Variants in CEACAM3 observed in about 807,000 individuals in gnomAD.
CEACAM3 encodes CEA cell adhesion molecule 3.
A neutral mutation model predicts 30.1 loss-of-function variants in CEACAM3; 32 were observed. The ratio of observed to expected loss-of-function variants is 1.06; its 90% confidence interval spans 0.80 to 1.43. The LOEUF (loss-of-function observed/expected upper bound fraction) is 1.43, where lower values mean the gene tolerates loss of function less well. CEACAM3 is among the 40% of genes most tolerant of loss of function. The probability of loss-of-function intolerance (pLI) is 0.00; values close to 1 mark genes in which losing one functional copy is unlikely to be tolerated. For missense variants in CEACAM3, 290 were observed against 316.3 expected (o/e 0.92, Z 0.63); for synonymous variants, 134 against 127.2 (o/e 1.05, Z -0.36).
At position 41,809,949 on chromosome 19, in the gene CEACAM3, C is replaced by A. The variant is rs782265261; in HGVS notation, c.543-16C>A. On this transcript the variant is annotated splice_polypyrimidine_tract_variant and intron_variant, in intron 3 of 6. Transcript: ENST00000357396. Reference sequence around the variant, plus strand: ...TTTAACCTGGCACCCTCCCAAATGACCCTGACCTTTCCTAGAACCAGCATC... The same window carrying A: ...TTTAACCTGGCACCCTCCCAAATGAACCTGACCTTTCCTAGAACCAGCATC... The A allele has an allele frequency of 3.1e-6, 5 of 1,613,800 alleles. No homozygotes were observed. Among genetic ancestry groups the A allele is most frequent in the Non-Finnish European group, 3.4e-6 (4 of 1,179,786 alleles).
At position 41,811,066 on chromosome 19, in the gene CEACAM3, C is replaced by G; in HGVS notation, c.694-106C>G. The G allele has an allele frequency of 3.0e-6, 4 of 1,346,376 alleles. No homozygotes were observed. The South Asian group carries it at 3.6e-5, about 12-fold the overall frequency. 83.4% of individuals were successfully genotyped at this position (1,346,376 alleles called of 1,614,324 possible). A position where few individuals can be genotyped will look rare whatever the true frequency, so the allele number is the denominator to read the frequency against. On this transcript the variant is annotated intron_variant, in intron 6 of 6. Coordinates refer to ENST00000357396, the MANE Select transcript of CEACAM3 (RefSeq NM_001815.5). ...GGGAGCAGGAACCCCCTGAGCACAG[C>G]CAGGTTCAGCCCCAGAGCAGCCCTG...
chr19:41,807,151 C>T, intron 2 of CEACAM3: 3 of 1,557,078 alleles, frequency 1.9e-6, no homozygotes, highest in East Asian at 2.3e-5. Flanking sequence ...ACAACTCCAA[C>T]CCCAAGGAGG....
rs1555827617 is a variant in CEACAM3, at chr19:41,811,237, G to C, written c.759G>C (p.Ter253TyrextTer10). ...ACCACAAAGCAGAAGTGGCTTCTTA[G>C]CTTCCTCCAGGAGCTGCTCCTGTGT... ...RMDHKAEVAS[*>Y] Residue 253 changes from the stop codon to tyrosine, a stop_lost, in exon 7 of 7, where the codon TAG becomes TAC. Coordinates refer to ENST00000357396, the MANE Select transcript of CEACAM3 (RefSeq NM_001815.5). 1 of 1,613,704 alleles carries C rather than the reference G, an allele frequency of 6.2e-7. No individual in the cohort carries two copies. Among genetic ancestry groups the C allele is most frequent in the South Asian group, 1.1e-5 (1 of 91,066 alleles).
intron 2 of CEACAM3, 139 bp downstream of exon 2, chr19:41,798,087 A>G (rs2073118380): frequency 1.1e-5 from 16 of 1,397,168 alleles, no homozygotes; most frequent in Non-Finnish European, 1.5e-5. Flanking sequence ...TGCAGGACAC[A>G]CACGGGGGAG....
intron 2 of CEACAM3, among the ~76,000 whole-genome samples, chr19:41,799,795 T>C (rs1380087979): frequency 6.6e-6 from 1 of 152,092 alleles, no homozygotes; most frequent in Non-Finnish European, 1.5e-5. Context: ...TCTTAAACTC[T>C]TCAGAGACCG....
chr19:41,810,241 A>T, intron 4 of CEACAM3, 82 bp from the exon 5 acceptor site: 2 of 1,523,378 alleles, frequency 1.3e-6, no homozygotes, highest in Non-Finnish European at 9.0e-7. Flanking sequence ...GGTATCTTAG[A>T]GCTGAGGACC....
At chr19:41,809,715 G>T (rs1159858400) in intron 3 of CEACAM3, 2 of 434,620 alleles carry the variant, frequency 4.6e-6, no homozygotes, top group African/African-American at 2.0e-5. Context: ...CCTTTCCTGG[G>T]TCCCTGGGTC....
Position 41,811,309 on chromosome 19 carries a change from A to G in CEACAM3, c.*72A>G. Reference sequence around the variant, plus strand: ...CCCCCAGCCCTGGGGATGGGGAAGGACATGAAGCCTGAGCCAGAGAACCAG... The same window carrying G: ...CCCCCAGCCCTGGGGATGGGGAAGGGCATGAAGCCTGAGCCAGAGAACCAG... On this transcript the variant is annotated 3_prime_UTR_variant, in exon 7 of 7. Coordinates refer to ENST00000357396, the MANE Select transcript of CEACAM3 (RefSeq NM_001815.5). 7.6e-7 allele frequency: 1 copy of G among 1,319,120 alleles called. No individual in the cohort carries two copies. The highest frequency in any genetic ancestry group is 1.1e-6 in the Non-Finnish European group (1 of 916,178). 81.7% of individuals were successfully genotyped at this position (1,319,120 alleles called of 1,614,324 possible).
chr19:41,808,661 A>G lies in CEACAM3; in HGVS notation c.425-152A>G. The G allele has an allele frequency of 7.8e-6, 5 of 637,520 alleles. No homozygotes were observed. In the South Asian group the frequency reaches 1.0e-4, roughly 13 times the overall value. The allele number at this position is 637,520 out of a possible 1,614,324, so 39.5% of individuals were successfully genotyped here. A position where few individuals can be genotyped will look rare whatever the true frequency, so the allele number is the denominator to read the frequency against. ...GAAAATGGTGCCACCATGGAAAGCA[A>G]GGGAATCTGTGATGAGGACAACACA... On this transcript the variant is annotated intron_variant, in intron 2 of 6. Coordinates refer to ENST00000357396, the MANE Select transcript of CEACAM3 (RefSeq NM_001815.5).
At chr19:41,810,594 G>A (rs1159684066) in intron 5 of CEACAM3, among the ~76,000 whole-genome samples, 1 of 152,084 alleles carries the variant, frequency 6.6e-6, no homozygotes, top group African/African-American at 2.4e-5. Flanking sequence ...AGTGCAGCAG[G>A]TGCAGAGTGG....
chr19:41,805,013 C>T (rs1035052970), intron 2 of CEACAM3, among the ~76,000 whole-genome samples: 1 of 152,062 alleles, frequency 6.6e-6, no homozygotes. Flanking sequence ...AGGAAATGCT[C>T]ACTGGAGCAT....
intron 2 of CEACAM3, among the ~76,000 whole-genome samples, chr19:41,800,534 C>T (rs1182535398): frequency 6.6e-6 from 1 of 152,198 alleles, no homozygotes; most frequent in Admixed American, 6.5e-5. Flanking sequence ...CCCTATGATG[C>T]TGTGCTTCAG....
At chr19:41,810,125 G>A (rs927314356) in intron 4 of CEACAM3, 108 bp downstream of exon 4, 27 of 1,338,176 alleles carry the variant, frequency 2.0e-5, no homozygotes, top group African/African-American at 7.3e-5. Context: ...CCCGGGGGCT[G>A]CAAGGAGGAT....
At chr19:41,797,347 GC>G in intron 1 of CEACAM3, 1 of 525,926 alleles carries the variant, frequency 1.9e-6, no homozygotes, top group South Asian at 2.5e-5. Context: ...CCTGATGTGA[GC>G]AGGATCTGAG....
Position 41,809,976 on chromosome 19 carries a change from A to C in CEACAM3, c.554A>C (p.Gln185Pro). ...CTGACCTTTCCTAGAACCAGCATCCAGCGTGACCTCAAGGAGCAGCAGCCC... is the reference window on the plus strand; with the variant it reads ...CTGACCTTTCCTAGAACCAGCATCCCGCGTGACCTCAAGGAGCAGCAGCCC... ...LLAKTGRTSI[Q>P]RDLKEQQPQA... Residue 185 changes from glutamine (Q) to proline (P), a missense_variant, in exon 4 of 7, where the codon CAG (glutamine) becomes CCG (proline). Transcript: ENST00000357396. 1 of 1,613,920 alleles carries C rather than the reference A, an allele frequency of 6.2e-7. No individual in the cohort carries two copies. Among genetic ancestry groups the C allele is most frequent in the East Asian group, 2.2e-5 (1 of 44,872 alleles).
In CEACAM3 at chr19:41,810,273, G is replaced by A. The variant is rs531574507; in HGVS notation, c.596-50G>A. On this transcript the variant is annotated intron_variant, in intron 4 of 6. Coordinates refer to ENST00000357396, the MANE Select transcript of CEACAM3 (RefSeq NM_001815.5). ...GACCCCCTACGCCTTCCTGGAGAGG[G>A]GATAAGGCTCTCCTCCCACCCTGCT... 5 of 1,584,262 alleles carry A rather than the reference G, an allele frequency of 3.2e-6. No homozygotes were observed. The South Asian group carries it at 4.6e-5, about 14-fold the overall frequency.
chr19:41,810,765 A>G (rs911708316), intron 5 of CEACAM3, 67 bp from the exon 6 acceptor site: 41 of 1,365,492 alleles, frequency 3.0e-5, no homozygotes, highest in Admixed American at 5.1e-5. Flanking sequence ...AGAGAAGTAA[A>G]TCCTGGCCAA....
Position 41,796,610 on chromosome 19 carries a change from C to G in CEACAM3, c.-68C>G. On this transcript the variant is annotated 5_prime_UTR_variant, in exon 1 of 7. Coordinates refer to ENST00000357396, the MANE Select transcript of CEACAM3 (RefSeq NM_001815.5). ...ACAGCAGAGCCTAAGTCACAGTAGC[C>G]CTGACTACAGCATTCCTGGAGCCCA... is the stretch of plus-strand genomic sequence containing the variant. 1 of 1,573,798 alleles carries G rather than the reference C, an allele frequency of 6.4e-7. No homozygotes were observed. Among genetic ancestry groups the G allele is most frequent in the Non-Finnish European group, 8.7e-7 (1 of 1,143,904 alleles).
chr19:41,806,205 T>C (rs556862479), intron 2 of CEACAM3, among the ~76,000 whole-genome samples: 1 of 152,266 alleles, frequency 6.6e-6, no homozygotes, highest in East Asian at 1.9e-4. Context: ...TTTTTGTATT[T>C]TTAGTAGAGA....
Sources: gnomAD v4.1 joint callset for allele counts (sites outside exome capture counted in the v4.1 genomes callset) on GRCh38, gnomAD v4.1.1 for gene constraint, MANE v1.5 for transcripts, NCBI Gene and HGNC (gene_info 2026-07-23, HGNC 2026-07-21) for gene names.